RASSF3: variants seen among roughly 807,000 people sequenced by gnomAD.
RASSF3 encodes Ras association domain family member 3.
Under a neutral mutation model 19.9 loss-of-function variants are expected in RASSF3, and 19 were observed. The ratio of observed to expected loss-of-function variants is 0.96; its 90% CI spans 0.67 to 1.40. RASSF3 has a LOEUF of 1.40. Ranked by LOEUF, RASSF3 falls within the 40% of genes most tolerant of loss-of-function variation. The pLI, the probability that RASSF3 is intolerant of heterozygous loss-of-function variation, is 0.00. For synonymous variants in RASSF3, 110 were observed against 104.2 expected (o/e 1.06, Z -0.34); for missense variants, 306 against 289.8 (o/e 1.06, Z -0.41).
At chr12:64,670,093 C>T (rs1486459597) in intron 1 of RASSF3, among the ~76,000 whole-genome samples, 1 of 151,064 alleles carries the variant, frequency 6.6e-6, no homozygotes, top group Non-Finnish European at 1.5e-5. Context: ...ATATCTTTAC[C>T]TGAGGGAGCT....
chr12:64,584,537 A>G (rs1345726698), intron 2 of RASSF3, among the ~76,000 whole-genome samples: 1 of 149,730 alleles, frequency 6.7e-6, no homozygotes, highest in African/African-American at 2.4e-5. Flanking sequence ...AAAGAAAGTC[A>G]GTGCTCTATT....
At chr12:64,617,735 T>C (rs954420807) in intron 1 of RASSF3, among the ~76,000 whole-genome samples, 33 of 152,088 alleles carry the variant, frequency 2.2e-4, no homozygotes, top group African/African-American at 6.8e-4. Context: ...TTTTTTATAT[T>C]TTTAGTAGGG....
chr12:64,587,428 C>T (rs1460110441), intron 2 of RASSF3, among the ~76,000 whole-genome samples: 1 of 152,032 alleles, frequency 6.6e-6, no homozygotes, highest in African/African-American at 2.4e-5. Context: ...TTTTTCTTTT[C>T]CCTAAGAAAA....
At chr12:64,690,498 CAGCGTCT>C (rs1300413441) in intron 3 of RASSF3, among the ~76,000 whole-genome samples, 11 of 151,806 alleles carry the variant, frequency 7.2e-5, no homozygotes, top group Non-Finnish European at 1.3e-4. Flanking sequence ...GTTTTTGAGA[CAGCGTCT>C]TACTCTGTCA....
intron 1 of RASSF3, among the ~76,000 whole-genome samples, chr12:64,616,371 T>A (rs1230214340): frequency 6.6e-6 from 1 of 152,230 alleles, no homozygotes; most frequent in Non-Finnish European, 1.5e-5. Context: ...AGTCAGTGCA[T>A]GTCATACGGT....
chr12:64,601,674 G>A (rs1391002907), intron 2 of RASSF3, among the ~76,000 whole-genome samples: 1 of 151,176 alleles, frequency 6.6e-6, no homozygotes, highest in Non-Finnish European at 1.5e-5. Context: ...ATTAGCTGGC[G>A]TGATGGTGCG....
intron 1 of RASSF3, among the ~76,000 whole-genome samples, chr12:64,625,158 T>C (rs971269805): frequency 1.2e-4 from 19 of 152,058 alleles, no homozygotes; most frequent in African/African-American, 4.3e-4. Flanking sequence ...CCAAAATGAA[T>C]TGGGAATCTC....
intron 2 of RASSF3, among the ~76,000 whole-genome samples, chr12:64,556,235 A>C (rs1253963724): frequency 2.0e-5 from 3 of 152,002 alleles, no homozygotes; most frequent in Non-Finnish European, 2.9e-5. Context: ...ATCATGGCTC[A>C]CTGCAGCCTC....
chr12:64,524,238 A>ATTTG (rs1868538305), intron 1 of RASSF3, among the ~76,000 whole-genome samples: 1 of 142,530 alleles, frequency 7.0e-6, no homozygotes, highest in Non-Finnish European at 1.5e-5. Context: ...TTATTTATTT[A>ATTTG]TTTATTTATT....
At chr12:64,562,063 G>A (rs958694101) in intron 2 of RASSF3, among the ~76,000 whole-genome samples, 9 of 150,782 alleles carry the variant, frequency 6.0e-5, no homozygotes, top group African/African-American at 2.2e-4. Context: ...TGTTGCCCAG[G>A]CTGGAATGCA....
At chr12:64,566,471 G>A (rs559090686) in intron 2 of RASSF3, among the ~76,000 whole-genome samples, 1 of 152,106 alleles carries the variant, frequency 6.6e-6, no homozygotes, top group Non-Finnish European at 1.5e-5. Context: ...GTGGGAACTC[G>A]GCAAGTATAT....
At chr12:64,590,034 C>G (rs1299986128) in intron 2 of RASSF3, among the ~76,000 whole-genome samples, 1 of 143,990 alleles carries the variant, frequency 6.9e-6, no homozygotes, top group African/African-American at 2.6e-5. Context: ...AGTCTGAGAC[C>G]AGCATGAGCA....
At chr12:64,658,211 TA>T (rs1198690064) in intron 1 of RASSF3, among the ~76,000 whole-genome samples, 1 of 152,144 alleles carries the variant, frequency 6.6e-6, no homozygotes, top group Non-Finnish European at 1.5e-5. Flanking sequence ...CCCACAGACA[TA>T]TTTTTTTTTA....
chr12:64,536,486 C>T (rs921845079), intron 1 of RASSF3, among the ~76,000 whole-genome samples: 3 of 152,290 alleles, frequency 2.0e-5, no homozygotes, highest in African/African-American at 7.2e-5. Flanking sequence ...TTGACCAGCA[C>T]ACAGCTCTCT....
intron 1 of RASSF3, among the ~76,000 whole-genome samples, chr12:64,650,419 T>C (rs954932720): frequency 4.3e-5 from 6 of 140,280 alleles, no homozygotes; most frequent in African/African-American, 1.6e-4. Context: ...TTTTTTTTTT[T>C]TTTTTTTTTT....
chr12:64,568,527 C>T (rs1176740065), intron 2 of RASSF3, among the ~76,000 whole-genome samples: 1 of 152,064 alleles, frequency 6.6e-6, no homozygotes, highest in Non-Finnish European at 1.5e-5. Flanking sequence ...CACCATGTGG[C>T]GGCAATTCCT....
Position 64,662,601 on chromosome 12 carries a change from GAT to G in RASSF3, c.112-22181_112-22180del, listed in dbSNP as rs1403172399. Among the ~76,000 whole-genome samples, 3 of 152,214 alleles carry G rather than the reference GAT, an allele frequency of 2.0e-5. No homozygotes were observed. In the East Asian group the frequency reaches 5.8e-4, roughly 29 times the overall value. Reference sequence around the variant, plus strand: ...GAAACAAAAACAAGATAAATGCCTAGATATATGTTAGATTAGTGGTCAGTTGC... The same window carrying G: ...GAAACAAAAACAAGATAAATGCCTAGATATGTTAGATTAGTGGTCAGTTGC... On this transcript the variant is annotated intron_variant, in intron 1 of 4. Transcript: ENST00000542104.
rs1282327232 is a variant in RASSF3, at chr12:64,696,555, C to G, written c.*1643C>G. On this transcript the variant is annotated 3_prime_UTR_variant, in exon 5 of 5. Coordinates refer to ENST00000542104, the MANE Select transcript of RASSF3 (RefSeq NM_178169.4). ...ACACTTTGGTGACACCTAATGGATT[C>G]TTTTTGAAATTCCAAGGTGCTTCAG... 3 of 151,910 alleles carry G rather than the reference C, an allele frequency of 2.0e-5. No homozygotes were observed. Among genetic ancestry groups the G allele is most frequent in the Admixed American group, 6.6e-5 (1 of 15,252 alleles). The allele number at this position is 151,910 out of a possible 1,614,324, so 9.4% of individuals were successfully genotyped here. A position where few individuals can be genotyped will look rare whatever the true frequency, so the allele number is the denominator to read the frequency against.
At chr12:64,677,288 C>A (rs1872943324) in intron 1 of RASSF3, among the ~76,000 whole-genome samples, 2 of 152,242 alleles carry the variant, frequency 1.3e-5, no homozygotes, top group South Asian at 4.1e-4. Context: ...ATTTCCTCCA[C>A]TGCAGAAAAT....
Sources: allele counts gnomAD v4.1 joint callset (sites outside exome capture counted in the v4.1 genomes callset), GRCh38; gene constraint gnomAD v4.1.1; transcripts MANE v1.5; gene names NCBI Gene and HGNC (gene_info 2026-07-23, HGNC 2026-07-21).